Variants in ESPNL observed in about 807,000 individuals in gnomAD.
ESPNL encodes the protein espin-like protein.
A neutral mutation model predicts 46.8 loss-of-function variants in ESPNL; 49 were observed. The observed-to-expected ratio is 1.05, with a 90% CI of 0.83 to 1.33. ESPNL has a LOEUF of 1.33. Ranked by LOEUF, ESPNL falls within the 40% of genes most tolerant of loss-of-function variation. The probability of loss-of-function intolerance (pLI) is 0.00; values close to 1 mark genes in which losing one functional copy is unlikely to be tolerated. For synonymous variants in ESPNL, 664 were observed against 662.1 expected, an observed-to-expected ratio of 1.00 and a Z score of -0.04; for missense variants, 1,540 against 1,436.6, an observed-to-expected ratio of 1.07 and a Z score of -1.16.
chr2:238,103,505 G>A (rs1691530809), intron 2 of ESPNL, among the ~76,000 whole-genome samples: 1 of 152,130 alleles, frequency 6.6e-6, no homozygotes, highest in African/African-American at 2.4e-5. Flanking sequence ...AAATGGGAAG[G>A]TCCTGTACCC....
chr2:238,124,044 A>G (rs1692044513), intron 5 of ESPNL, among the ~76,000 whole-genome samples: 1 of 152,194 alleles, frequency 6.6e-6, no homozygotes, highest in South Asian at 2.1e-4. Context: ...CAGCAGGAAA[A>G]TGGGGGCCCT....
chr2:238,129,743 T>C (rs1288679782), intron 8 of ESPNL, among the ~76,000 whole-genome samples: 1 of 152,238 alleles, frequency 6.6e-6, no homozygotes, highest in Non-Finnish European at 1.5e-5. Context: ...CTGAAATTCA[T>C]TACAATTTAA....
At position 238,132,267 on chromosome 2, in the gene ESPNL, T is replaced by C. The variant is rs1229622230; in HGVS notation, c.*535T>C. The C allele has an allele frequency of 6.5e-6, 1 of 153,806 alleles. No homozygotes were observed. The highest frequency in any genetic ancestry group is 1.4e-5 in the Non-Finnish European group (1 of 69,108). 9.5% of individuals were successfully genotyped at this position (153,806 alleles called of 1,614,324 possible). On this transcript the variant is annotated 3_prime_UTR_variant, in exon 9 of 9. Transcript: ENST00000343063. ...GGACAGATTCCATGGGCAGGAGGCC[T>C]TCCTGCCAGGCCATCCCTGCTGGTC...
Position 238,131,149 on chromosome 2 carries a change from A to G in ESPNL, c.2435A>G (p.Lys812Arg), listed in dbSNP as rs1375531980. 6 of 1,546,276 alleles carry G rather than the reference A, an allele frequency of 3.9e-6. No individual in the cohort carries two copies. Among genetic ancestry groups the G allele is most frequent in the Middle Eastern group, 3.3e-4 (2 of 5,992 alleles). Residue 812 changes from lysine to arginine, a missense_variant, in exon 9 of 9, where the codon AAG becomes AGG. Physicochemically the swap from Lys to Arg is conservative, Grantham distance 26. Transcript: ENST00000343063. Reference protein sequence around the residue: ...STITHLLGNWKAIMAHVPARQ... With the variant: ...STITHLLGNWRAIMAHVPARQ... ...ATCACCCACCTGCTGGGCAACTGGAAGGCCATCATGGCTCACGTGCCCGCC... is the reference window on the plus strand; with the variant it reads ...ATCACCCACCTGCTGGGCAACTGGAGGGCCATCATGGCTCACGTGCCCGCC...
At chr2:238,127,394 T>C in intron 6 of ESPNL, 1 of 1,311,986 alleles carries the variant, frequency 7.6e-7, no homozygotes, top group African/African-American at 1.5e-5. Context: ...GGCCCAGCGG[T>C]GTGCCGCAGG....
At chr2:238,105,656 G>A (rs1377062929) in intron 3 of ESPNL, among the ~76,000 whole-genome samples, 4 of 152,062 alleles carry the variant, frequency 2.6e-5, no homozygotes, top group Non-Finnish European at 4.4e-5. Context: ...ATTCAGAGGC[G>A]GGGAGAGCCT....
rs890537506 is a variant in ESPNL at position 238,130,923 on chromosome 2, C to A, written c.2209C>A (p.Arg737Ser). ...AAAGPDLASL[R>S]KERIIMLFLS... ...AGCCGGCCCAGACCTGGCCAGCCTG[C>A]GCAAGGAGCGCATCATCATGCTCTT... The change falls in exon 9 of 9, where the codon CGC becomes AGC. Residue 737 changes from arginine (R) to serine (S), a missense_variant. By Grantham distance (110) the Arg-to-Ser change is moderately radical. Transcript: ENST00000343063. 2 of 1,548,552 alleles carry A rather than the reference C, an allele frequency of 1.3e-6. No individual in the cohort carries two copies. The highest frequency in any genetic ancestry group is 1.2e-5 in the South Asian group (1 of 84,216).
chr2:238,128,663 C>CT, intron 7 of ESPNL, 44 bp from the exon 8 acceptor site: 1 of 1,539,264 alleles, frequency 6.5e-7, no homozygotes, highest in Non-Finnish European at 8.8e-7. Context: ...CACTCAGGGC[C>CT]TGGGTCCCCT....
Position 238,119,677 on chromosome 2 carries a change from C to G in ESPNL, c.987+2643C>G, listed in dbSNP as rs1056375930. Among the ~76,000 whole-genome samples the G allele has an allele frequency of 6.6e-4, 101 of 152,124 alleles. 1 individual carries two copies. The highest frequency in any genetic ancestry group is 2.0e-3 in the African/African-American group (85 of 41,470). On this transcript the variant is annotated intron_variant, in intron 5 of 8. Coordinates refer to ENST00000343063, the MANE Select transcript of ESPNL (RefSeq NM_194312.4). Reference sequence around the variant, plus strand: ...TAACCTAGCTCGGTTTCTGCCACACCTCTTTTACTGGTCATCCCTTCAGGA... The same window carrying G: ...TAACCTAGCTCGGTTTCTGCCACACGTCTTTTACTGGTCATCCCTTCAGGA...
At position 238,105,754 on chromosome 2, in the gene ESPNL, G is replaced by A. The variant is rs189125562; in HGVS notation, c.672+912G>A. ...TTTCCTGAGGGTCCTGGGGAGCCAC[G>A]GAAGGCTCGGAGCCAGGAGCAGTAG... is the stretch of plus-strand genomic sequence containing the variant. On this transcript the variant is annotated intron_variant, in intron 3 of 8. Coordinates refer to ENST00000343063, the MANE Select transcript of ESPNL (RefSeq NM_194312.4). Among the ~76,000 whole-genome samples, 307 of 152,244 alleles carry A rather than the reference G, an allele frequency of 2.0e-3. 4 individuals carry two copies. Among genetic ancestry groups the A allele is most frequent in the African/African-American group, 7.0e-3 (291 of 41,536 alleles).
At chr2:238,101,073 G>A (rs1446208959) in intron 1 of ESPNL, among the ~76,000 whole-genome samples, 1 of 152,198 alleles carries the variant, frequency 6.6e-6, no homozygotes, top group East Asian at 1.9e-4. Context: ...TGGGAACTTG[G>A]GCTTGAGAGC....
Position 238,102,388 on chromosome 2 carries a change from C to T in ESPNL, c.485+257C>T, listed in dbSNP as rs1035203908. Among the ~76,000 whole-genome samples, 6 of 152,168 alleles carry T rather than the reference C, an allele frequency of 3.9e-5. No individual in the cohort carries two copies. The East Asian group carries it at 7.7e-4, about 20-fold the overall frequency. On this transcript the variant is annotated intron_variant, in intron 2 of 8. Transcript: ENST00000343063. ...CTTCAGCTTGGAGAGTGGCTGGGGG[C>T]GGTGACGATGGCAAGATGCTGCTGT...
chr2:238,127,271 G>T (rs1192267424), intron 6 of ESPNL: 2 of 865,674 alleles, frequency 2.3e-6, no homozygotes, highest in Non-Finnish European at 2.9e-6. Flanking sequence ...TTTCATCGGG[G>T]CAGGGAGCAT....
At chr2:238,126,364 G>A (rs1401997434) in intron 6 of ESPNL, among the ~76,000 whole-genome samples, 2 of 104,348 alleles carry the variant, frequency 1.9e-5, no homozygotes, top group Non-Finnish European at 3.6e-5. Context: ...GATTGTGTCT[G>A]TGTGTGTCTT....
intron 6 of ESPNL, among the ~76,000 whole-genome samples, chr2:238,125,607 T>C (rs1228743722): frequency 2.0e-5 from 3 of 152,226 alleles, no homozygotes; most frequent in Non-Finnish European, 4.4e-5. Flanking sequence ...TACAGCAACT[T>C]ATCCAGGGGT....
intron 8 of ESPNL, among the ~76,000 whole-genome samples, chr2:238,129,707 G>T (rs140595083): frequency 1.3e-5 from 2 of 152,260 alleles, no homozygotes; most frequent in Admixed American, 6.5e-5. Flanking sequence ...TGTGTCCAGC[G>T]CAATCCTGCC....
At chr2:238,116,367 G>A (rs755858433) in intron 4 of ESPNL, among the ~76,000 whole-genome samples, 6 of 152,312 alleles carry the variant, frequency 3.9e-5, no homozygotes, top group African/African-American at 1.2e-4. Flanking sequence ...AGCATGCAGT[G>A]TGGCTGGCAA....
chr2:238,116,766 A>C, intron 4 of ESPNL, 137 bp from the exon 5 acceptor site: 2 of 1,177,166 alleles, frequency 1.7e-6, no homozygotes, highest in Non-Finnish European at 2.4e-6. Context: ...CACGGCCCAG[A>C]TTCAAGTCCT....
chr2:238,131,551 C>G lies in ESPNL; in HGVS notation c.2837C>G (p.Thr946Ser), dbSNP rs763425411. Residue 946 changes from threonine to serine, a missense_variant, in exon 9 of 9, where the codon ACC becomes AGC. Physicochemically the swap from Thr to Ser is moderately conservative, Grantham distance 58. Coordinates refer to ENST00000343063, the MANE Select transcript of ESPNL (RefSeq NM_194312.4). ...DTEPGRKSGL[T>S]LLGPLPHAAV... Reference sequence around the variant, plus strand: ...GAGCCTGGCCGCAAGTCAGGTCTGACCCTGCTCGGGCCCCTGCCTCACGCC... The same window carrying G: ...GAGCCTGGCCGCAAGTCAGGTCTGAGCCTGCTCGGGCCCCTGCCTCACGCC... The G allele has an allele frequency of 6.2e-6, 10 of 1,611,230 alleles. No homozygotes were observed. The highest frequency in any genetic ancestry group is 8.5e-6 in the Non-Finnish European group (10 of 1,179,128).
Sources: gnomAD v4.1 joint callset for allele counts (sites outside exome capture counted in the v4.1 genomes callset) on GRCh38, gnomAD v4.1.1 for gene constraint, MANE v1.5 for transcripts, NCBI Gene and HGNC (gene_info 2026-07-23, HGNC 2026-07-21) for gene names.